GNG4: variants seen among roughly 807,000 people sequenced by gnomAD.
GNG4 encodes the protein G protein subunit gamma 4, also known as guanine nucleotide-binding protein G(I)/G(S)/G(O) subunit gamma-4.
In GNG4, 4 loss-of-function variants were observed where a neutral mutation model predicts 5.8. That is an observed-to-expected ratio of 0.69 (90% CI 0.34 to 1.57). The LOEUF (loss-of-function observed/expected upper bound fraction) is 1.57. GNG4 is among the 40% of genes most tolerant of loss of function. The probability of loss-of-function intolerance (pLI) is 0.06; values close to 1 mark genes in which losing one functional copy is unlikely to be tolerated. For missense variants in GNG4, 96 were observed against 95.1 expected (o/e 1.01, Z -0.04); for synonymous variants, 29 against 32.9 (o/e 0.88, Z 0.41).
chr1:235,607,046 C>T (rs1275165369), intron 1 of GNG4, among the ~76,000 whole-genome samples: 5 of 145,856 alleles, frequency 3.4e-5, no homozygotes. Flanking sequence ...TGAAGCAATT[C>T]TCCTGCCTCA....
chr1:235,628,424 G>T (rs995552360), intron 1 of GNG4, among the ~76,000 whole-genome samples: 1 of 140,050 alleles, frequency 7.1e-6, no homozygotes, highest in Non-Finnish European at 1.5e-5. Flanking sequence ...GACGGGGGGG[G>T]GTTACAAGAC....
intron 2 of GNG4, among the ~76,000 whole-genome samples, chr1:235,593,824 G>A (rs1457609318): frequency 6.6e-6 from 1 of 152,172 alleles, no homozygotes; most frequent in African/African-American, 2.4e-5. Flanking sequence ...GACCTTCGTG[G>A]TGAGTGTTAC....
chr1:235,629,577 TTTTC>T (rs146878010), intron 1 of GNG4, among the ~76,000 whole-genome samples: 1 of 143,304 alleles, frequency 7.0e-6, no homozygotes. Flanking sequence ...CCTCTCAAAT[TTTTC>T]TTTCTTTTTT....
intron 1 of GNG4, among the ~76,000 whole-genome samples, chr1:235,634,845 A>C (rs1248016718): frequency 6.6e-6 from 1 of 152,142 alleles, no homozygotes; most frequent in African/African-American, 2.4e-5. Flanking sequence ...GAGGCAGAAG[A>C]ATAGCTTGAA....
At chr1:235,570,927 C>CATATACACATAT (rs575887309) in intron 3 of GNG4, among the ~76,000 whole-genome samples, 2 of 118,906 alleles carry the variant, frequency 1.7e-5, no homozygotes, top group Admixed American at 1.9e-4. Context: ...TATATATACA[C>CATATACACATAT]ACACACACAC....
chr1:235,567,013 C>G (rs1687213732), intron 3 of GNG4: 1 of 151,998 alleles, frequency 6.6e-6, no homozygotes, highest in Non-Finnish European at 1.5e-5. Flanking sequence ...GAGATCATAA[C>G]TCAAAGCAGC....
chr1:235,579,374 A>G (rs537030630), intron 3 of GNG4, among the ~76,000 whole-genome samples: 1 of 151,696 alleles, frequency 6.6e-6, no homozygotes, highest in South Asian at 2.1e-4. Context: ...ATAGTGAGTG[A>G]CTTTAATTTT....
intron 1 of GNG4, among the ~76,000 whole-genome samples, chr1:235,609,887 G>GA (rs970849614): frequency 1.3e-5 from 2 of 150,718 alleles, no homozygotes; most frequent in African/African-American, 2.5e-5. Flanking sequence ...AAAAAGAAAA[G>GA]AAAAAAAAAG....
intron 1 of GNG4, among the ~76,000 whole-genome samples, chr1:235,617,482 C>T (rs142662534): frequency 1.3e-5 from 2 of 152,292 alleles, no homozygotes; most frequent in Non-Finnish European, 2.9e-5. Context: ...AATGTAGCTT[C>T]CTGGACCTCC....
intron 3 of GNG4, among the ~76,000 whole-genome samples, chr1:235,580,539 G>A (rs1373587864): frequency 6.6e-6 from 1 of 152,134 alleles, no homozygotes; most frequent in Non-Finnish European, 1.5e-5. Flanking sequence ...CCTAGGTTCA[G>A]CTCTCTCCTC....
rs1657376550 is a variant in GNG4 at position 235,642,890 on chromosome 1, C to T, written c.-123+6772G>A. 6.6e-6 allele frequency among the ~76,000 whole-genome samples: 1 copy of T among 152,128 alleles called. No individual in the cohort carries two copies. Among genetic ancestry groups the T allele is most frequent in the Non-Finnish European group, 1.5e-5 (1 of 68,032 alleles). On this transcript the variant is annotated intron_variant, in intron 1 of 3. Coordinates refer to ENST00000391854, the MANE Select transcript of GNG4 (RefSeq NM_001098722.2). The surrounding 1 kb of genome is among the most constrained non-coding windows in gnomAD (Gnocchi z 4.3). ...CCTGACTTGGCAAGTCATACACCCT[C>T]TCTCTACTTGCCCAGCTTCATTCAC... is the stretch of plus-strand genomic sequence containing the variant.
At chr1:235,559,985 G>A (rs1300429167) in intron 3 of GNG4, among the ~76,000 whole-genome samples, 1 of 152,222 alleles carries the variant, frequency 6.6e-6, no homozygotes, top group Non-Finnish European at 1.5e-5. Flanking sequence ...CCTGGACCTT[G>A]ACTTAACCAA....
At chr1:235,577,794 G>A (rs2102935892) in intron 3 of GNG4, among the ~76,000 whole-genome samples, 1 of 152,246 alleles carries the variant, frequency 6.6e-6, no homozygotes, top group Admixed American at 6.5e-5. Context: ...TGCGAGTTCA[G>A]TGGATTCTAA....
In GNG4 at chr1:235,618,312, T is replaced by A. The variant is rs569317643; in HGVS notation, c.-122-22801A>T. Among the ~76,000 whole-genome samples, 5 of 152,324 alleles carry A rather than the reference T, an allele frequency of 3.3e-5. No homozygotes were observed. The East Asian group carries it at 9.6e-4, about 29-fold the overall frequency. The stretch of plus-strand genomic sequence containing the variant: ...CCTCACACACACACAAAAAGTGGAA[T>A]CCTTCGTTGAACTGAATATGAATAT... On this transcript the variant is annotated intron_variant, in intron 1 of 3. Transcript: ENST00000391854.
upstream of GNG4, chr1:235,649,793 C>G (rs1248400268): frequency 6.7e-6 from 1 of 150,160 alleles, no homozygotes; most frequent in African/African-American, 2.4e-5. This position sits in a 1 kb window ranked among gnomAD's most constrained non-coding sequence, Gnocchi z 5.7. Flanking sequence ...GCCCCTCCCG[C>G]CGCCCGCGGG....
chr1:235,587,410 AGGGGTGGGGGT>A (rs1687808751), intron 2 of GNG4, among the ~76,000 whole-genome samples: 1 of 14,142 alleles, frequency 7.1e-5, no homozygotes, highest in Non-Finnish European at 1.3e-4. Flanking sequence ...TATGAGGGTG[AGGGGTGGGGGT>A]GTGTGTGTGA....
At chr1:235,630,017 G>A (rs1040895191) in intron 1 of GNG4, among the ~76,000 whole-genome samples, 6 of 152,168 alleles carry the variant, frequency 3.9e-5, no homozygotes, top group Non-Finnish European at 5.9e-5. Flanking sequence ...CCTTTCTCAT[G>A]TTGGTGGACA....
chr1:235,586,340 C>T lies in GNG4; in HGVS notation c.-10-2492G>A, dbSNP rs192965951. The stretch of plus-strand genomic sequence containing the variant: ...GTCTGTATGTGCCCACGTGCCTGCT[C>T]GTGCAGGCCTTGTGCCAGTCTGTGT... On this transcript the variant is annotated intron_variant, in intron 2 of 3. Transcript: ENST00000391854. Among the ~76,000 whole-genome samples the T allele has an allele frequency of 2.6e-3, 394 of 152,286 alleles. 1 individual carries two copies. The highest frequency in any genetic ancestry group is 8.9e-3 in the African/African-American group (370 of 41,556).
intron 3 of GNG4, among the ~76,000 whole-genome samples, chr1:235,559,286 A>G (rs1470324439): frequency 6.6e-6 from 1 of 152,222 alleles, no homozygotes; most frequent in African/African-American, 2.4e-5. Context: ...CTATAATGGT[A>G]TATTTTTACA....
Sources: gnomAD v4.1 joint callset for allele counts (sites outside exome capture counted in the v4.1 genomes callset) on GRCh38, gnomAD v4.1.1 for gene constraint, Gnocchi (gnomAD v3.1) non-coding constraint, MANE v1.5 for transcripts, NCBI Gene and HGNC (gene_info 2026-07-23, HGNC 2026-07-21) for gene names.